Variants in MYRIP observed in about 807,000 individuals in gnomAD.
MYRIP encodes myosin VIIA and Rab interacting protein, also known as rab effector MyRIP.
Under a neutral mutation model 98.0 loss-of-function variants are expected in MYRIP, and 49 were observed. The observed-to-expected ratio is 0.50, with a 90% CI of 0.40 to 0.63. The LOEUF (loss-of-function observed/expected upper bound fraction) is 0.63. Among genes scored for constraint, MYRIP ranks in the 30% least tolerant of loss-of-function variants. The pLI is 0.00. For synonymous variants in MYRIP, 404 were observed against 409.5 expected (o/e 0.99, Z 0.16); for missense variants, 1,004 against 1,058.2 (o/e 0.95, Z 0.71).
At chr3:39,945,481 AAAAAAAAAAAG>A (rs1944879647) in intron 2 of MYRIP, among the ~76,000 whole-genome samples, 2 of 143,612 alleles carry the variant, frequency 1.4e-5, no homozygotes, top group East Asian at 2.2e-4. Flanking sequence ...CATCTCAAAA[AAAAAAAAAAAG>A]AAAAAAGAAA....
At chr3:39,959,989 G>T (rs1418125028) in intron 2 of MYRIP, among the ~76,000 whole-genome samples, 1 of 152,084 alleles carries the variant, frequency 6.6e-6, no homozygotes, top group Non-Finnish European at 1.5e-5. Context: ...ACTTTGTTGT[G>T]TATAGCAAAG....
intron 3 of MYRIP, among the ~76,000 whole-genome samples, chr3:40,073,199 A>T (rs980244499): frequency 3.3e-5 from 5 of 152,204 alleles, no homozygotes; most frequent in Admixed American, 1.3e-4. Context: ...TGTTACCAGA[A>T]GTATGAGGGT....
chr3:39,860,266 C>T (rs1942430537), intron 1 of MYRIP, among the ~76,000 whole-genome samples: 1 of 152,172 alleles, frequency 6.6e-6, no homozygotes, highest in Admixed American at 6.5e-5. Context: ...ATCCTGGCAG[C>T]AGAAGACCCC....
chr3:39,976,075 T>C (rs1212597877), intron 2 of MYRIP, among the ~76,000 whole-genome samples: 1 of 152,134 alleles, frequency 6.6e-6, no homozygotes, highest in Non-Finnish European at 1.5e-5. Flanking sequence ...AAAGAGCTTC[T>C]GCACAGCAAA....
intron 2 of MYRIP, among the ~76,000 whole-genome samples, chr3:40,029,376 A>T (rs1036603187): frequency 2.0e-5 from 3 of 152,198 alleles, no homozygotes; most frequent in African/African-American, 7.2e-5. Flanking sequence ...TCCCTTTATT[A>T]TACAATAATC....
At chr3:40,003,983 C>CT (rs752816129) in intron 2 of MYRIP, among the ~76,000 whole-genome samples, 1 of 152,146 alleles carries the variant, frequency 6.6e-6, no homozygotes, top group East Asian at 1.9e-4. Flanking sequence ...TCTTTTCTGA[C>CT]TTTTTTACTA....
At chr3:40,166,616 A>C (rs1950505090) in intron 5 of MYRIP, among the ~76,000 whole-genome samples, 1 of 152,092 alleles carries the variant, frequency 6.6e-6, no homozygotes, top group Admixed American at 6.6e-5. Flanking sequence ...AGGAGGAATG[A>C]GATTGCAGGC....
intron 2 of MYRIP, among the ~76,000 whole-genome samples, chr3:40,016,497 G>A (rs1440709463): frequency 6.6e-6 from 1 of 152,152 alleles, no homozygotes. Flanking sequence ...TCTTACTTCA[G>A]GTGGGATAAC....
chr3:40,016,219 A>T (rs1453243411), intron 2 of MYRIP, among the ~76,000 whole-genome samples: 1 of 151,968 alleles, frequency 6.6e-6, no homozygotes, highest in Non-Finnish European at 1.5e-5. Context: ...TTCTCCTCTG[A>T]GCCTCCGACC....
At chr3:40,164,196 C>T (rs376845795) in intron 5 of MYRIP, among the ~76,000 whole-genome samples, 12 of 152,288 alleles carry the variant, frequency 7.9e-5, no homozygotes, top group African/African-American at 2.9e-4. Context: ...TGTTTTCAAT[C>T]TTACACTTTT....
At chr3:39,887,222 C>T (rs1943331887) in intron 1 of MYRIP, among the ~76,000 whole-genome samples, 3 of 151,666 alleles carry the variant, frequency 2.0e-5, no homozygotes, top group African/African-American at 7.3e-5. Context: ...CACTAAATGC[C>T]CACAAGAGAA....
chr3:39,959,984 G>T (rs1945282201), intron 2 of MYRIP, among the ~76,000 whole-genome samples: 1 of 152,032 alleles, frequency 6.6e-6, no homozygotes. Context: ...AAAAGACTTT[G>T]TTGTGTATAG....
At chr3:40,085,819 G>A (rs1047584244) in intron 3 of MYRIP, among the ~76,000 whole-genome samples, 1 of 152,178 alleles carries the variant, frequency 6.6e-6, no homozygotes, top group Non-Finnish European at 1.5e-5. Flanking sequence ...CTCCTCATGA[G>A]TTTTATAAAT....
chr3:40,252,837 G>A (rs1014393661), intron 16 of MYRIP, among the ~76,000 whole-genome samples: 4 of 152,064 alleles, frequency 2.6e-5, no homozygotes, highest in Non-Finnish European at 4.4e-5. Flanking sequence ...TCTAAAGAGG[G>A]ACAGCTCTTT....
intron 9 of MYRIP, among the ~76,000 whole-genome samples, chr3:40,186,848 C>T (rs1390103291): frequency 6.6e-6 from 1 of 152,210 alleles, no homozygotes; most frequent in African/African-American, 2.4e-5. Flanking sequence ...ACCCTTACCA[C>T]CTGACTGACA....
chr3:39,892,551 C>G (rs572780058), intron 1 of MYRIP, among the ~76,000 whole-genome samples: 1 of 152,186 alleles, frequency 6.6e-6, no homozygotes, highest in African/African-American at 2.4e-5. Flanking sequence ...TAAATTTAGC[C>G]TAACTCTTGC....
chr3:40,158,772 A>G (rs879539758), intron 4 of MYRIP, among the ~76,000 whole-genome samples: 9 of 147,530 alleles, frequency 6.1e-5, no homozygotes, highest in Non-Finnish European at 1.2e-4. Flanking sequence ...GTCTCTTTTG[A>G]TCTTTGTTGG....
chr3:39,974,382 C>G (rs1945689556), intron 2 of MYRIP, among the ~76,000 whole-genome samples: 1 of 151,980 alleles, frequency 6.6e-6, no homozygotes, highest in Non-Finnish European at 1.5e-5. Flanking sequence ...AGACCAATAA[C>G]AGGCTCTGAA....
chr3:40,212,982 T>C (rs1952007956), intron 11 of MYRIP, among the ~76,000 whole-genome samples: 1 of 152,174 alleles, frequency 6.6e-6, no homozygotes, highest in Non-Finnish European at 1.5e-5. Flanking sequence ...GCAAACTCTG[T>C]GGCATTGGTT....
Sources: allele counts gnomAD v4.1 joint callset (sites outside exome capture counted in the v4.1 genomes callset), GRCh38; gene constraint gnomAD v4.1.1; transcripts MANE v1.5; gene names NCBI Gene and HGNC (gene_info 2026-07-23, HGNC 2026-07-21).